The following BIRC6 variants were observed in gnomAD, a reference collection of about 807,000 sequenced individuals.
The protein encoded by BIRC6 is baculoviral IAP repeat containing 6.
Under a neutral mutation model 503.3 loss-of-function variants are expected in BIRC6, and 98 were observed. That is an observed-to-expected ratio of 0.19 (90% CI 0.17 to 0.23). The LOEUF (loss-of-function observed/expected upper bound fraction) is 0.23, where lower values mean the gene tolerates loss of function less well. Ranked by LOEUF, BIRC6 falls within the 10% of genes least tolerant of loss-of-function variation. BIRC6 has a pLI of 1.00. For missense variants in BIRC6, 5,360 were observed against 5,806.0 expected, an observed-to-expected ratio of 0.92 and a Z score of 2.50; for synonymous variants, 2,240 against 2,078.7, an observed-to-expected ratio of 1.08 and a Z score of -2.11.
intron 61 of BIRC6, among the ~76,000 whole-genome samples, chr2:32,542,705 A>G (rs1559015349): frequency 6.6e-6 from 1 of 152,270 alleles, no homozygotes; most frequent in South Asian, 2.1e-4. Flanking sequence ...TAGATACTTA[A>G]CTAATTATAA....
intron 20 of BIRC6, among the ~76,000 whole-genome samples, chr2:32,444,545 A>G (rs998019376): frequency 6.6e-6 from 1 of 152,174 alleles, no homozygotes; most frequent in Non-Finnish European, 1.5e-5. Flanking sequence ...TTTTAAGCCA[A>G]ATTTTATTTA....
At chr2:32,582,339 A>C (rs887095385) in intron 66 of BIRC6, among the ~76,000 whole-genome samples, 1 of 152,114 alleles carries the variant, frequency 6.6e-6, no homozygotes, top group Non-Finnish European at 1.5e-5. Flanking sequence ...TGGTAAGTAA[A>C]ACCCTGATAT....
Position 32,535,875 on chromosome 2 carries a change from T to C in BIRC6, c.12291+4324T>C, listed in dbSNP as rs561295828. Among the ~76,000 whole-genome samples, 88 of 152,300 alleles carry C rather than the reference T, an allele frequency of 5.8e-4. No homozygotes were observed. The Middle Eastern group carries it at 0.014, about 24-fold the overall frequency. On this transcript the variant is annotated intron_variant, in intron 61 of 73. Coordinates refer to ENST00000421745, the MANE Select transcript of BIRC6 (RefSeq NM_016252.4). ...TTCTAGTTCTAGATCCCTGAGGAAT[T>C]GCTACACTGACTTCCACAATGGTTG... is the stretch of plus-strand genomic sequence containing the variant.
chr2:32,507,897 C>G (rs1487942843), intron 50 of BIRC6, 83 bp from the exon 51 acceptor site: 1 of 1,289,738 alleles, frequency 7.8e-7, no homozygotes, highest in Admixed American at 2.9e-5. Context: ...ACTGTGAAAG[C>G]TGCTATTTTA....
Position 32,544,482 on chromosome 2 carries a change from TTTC to T in BIRC6, c.12592+950_12592+952del, listed in dbSNP as rs1394353711. On this transcript the variant is annotated intron_variant, in intron 62 of 73. Transcript: ENST00000421745. ...GGTGACGTCTGCATTTTCTTTTTTCTTTCTTCTTCTTTTTTTTTTTTGCATTTT... is the reference window on the plus strand; with the variant it reads ...GGTGACGTCTGCATTTTCTTTTTTCTTTCTTCTTTTTTTTTTTTGCATTTT... Among the ~76,000 whole-genome samples, 98 of 147,450 alleles carry T rather than the reference TTTC, an allele frequency of 6.6e-4. 1 individual carries two copies. Among genetic ancestry groups the T allele is most frequent in the Non-Finnish European group, 1.1e-3 (70 of 65,712 alleles).
intron 65 of BIRC6, chr2:32,564,223 A>G (rs1167050261): frequency 6.6e-6 from 1 of 152,230 alleles, no homozygotes; most frequent in Non-Finnish European, 1.5e-5. Flanking sequence ...ATTGGATCAT[A>G]TAATATGTGG....
intron 9 of BIRC6, among the ~76,000 whole-genome samples, chr2:32,406,813 A>G (rs948127960): frequency 4.7e-4 from 72 of 152,176 alleles, no homozygotes; most frequent in Non-Finnish European, 2.1e-4. Flanking sequence ...GTTTTGTCAC[A>G]TATGTCAGGT....
chr2:32,549,396 T>C lies in BIRC6; in HGVS notation c.13059T>C (p.Ser4353=). ...CTCATGAGACTAGAGGGCAGAACAG[T>C]AATGCCCTTCCTTCTGTACTTCTCG... ...QSSHETRGQN[S]NALPSVLLEL... is the part of the protein sequence containing the mutation. Residue 4353 remains serine, a synonymous_variant, in exon 65 of 74, where the codon AGT becomes AGC. Transcript: ENST00000421745. The C allele has an allele frequency of 1.3e-6, 2 of 1,521,486 alleles. No homozygotes were observed. The highest frequency in any genetic ancestry group is 1.8e-6 in the Non-Finnish European group (2 of 1,115,490). 94.2% of individuals were successfully genotyped at this position (1,521,486 alleles called of 1,614,324 possible). A position where few individuals can be genotyped will look rare whatever the true frequency, so the allele number is the denominator to read the frequency against.
At chr2:32,480,882 T>C (rs2149181495) in intron 37 of BIRC6, among the ~76,000 whole-genome samples, 1 of 152,132 alleles carries the variant, frequency 6.6e-6, no homozygotes, top group South Asian at 2.1e-4. Flanking sequence ...CCTTGTGATC[T>C]ACCTGCCTCG....
Position 32,549,331 on chromosome 2 carries a change from A to C in BIRC6, c.12994A>C (p.Asn4332His). ...TTTTTAGGTTCTTGCCAGTTACATA[A>C]ATCCCGTCAGTAGTGCGGTAAATGG... ...CLLQVLASYI[N>H]PVSSAVNGEA... Residue 4332 changes from asparagine to histidine, a missense_variant, in exon 65 of 74, where the codon AAT (asparagine) becomes CAT (histidine). Around this residue, in one of 16 missense-constraint regions of BIRC6, gnomAD observed 477 missense variants for 574.4 expected, o/e 0.83. Transcript: ENST00000421745. The C allele has an allele frequency of 6.9e-7, 1 of 1,459,430 alleles. No individual in the cohort carries two copies. Among genetic ancestry groups the C allele is most frequent in the East Asian group, 2.4e-5 (1 of 42,212 alleles). 90.4% of individuals were successfully genotyped at this position (1,459,430 alleles called of 1,614,324 possible). A position where few individuals can be genotyped will look rare whatever the true frequency, so the allele number is the denominator to read the frequency against.
chr2:32,544,234 A>G (rs556877147), intron 62 of BIRC6, among the ~76,000 whole-genome samples: 1 of 152,270 alleles, frequency 6.6e-6, no homozygotes, highest in East Asian at 1.9e-4. Context: ...AAAATGTGTT[A>G]AGATTAGTGA....
chr2:32,492,783 A>G (rs1173260324), intron 44 of BIRC6, among the ~76,000 whole-genome samples: 1 of 152,058 alleles, frequency 6.6e-6, no homozygotes, highest in Non-Finnish European at 1.5e-5. Context: ...TACGAAAGCT[A>G]TAATTTGTAT....
At chr2:32,434,601 AT>A (rs2044486163) in intron 13 of BIRC6, among the ~76,000 whole-genome samples, 1 of 152,218 alleles carries the variant, frequency 6.6e-6, no homozygotes, top group South Asian at 2.1e-4. Context: ...TAATCCCAGC[AT>A]TTTGAGAGGC....
chr2:32,579,762 A>C (rs1236608802), intron 66 of BIRC6, among the ~76,000 whole-genome samples: 2 of 152,116 alleles, frequency 1.3e-5, no homozygotes, highest in South Asian at 4.1e-4. Flanking sequence ...ACATTTATCT[A>C]ATTTGTAACA....
At chr2:32,374,565 C>T (rs1187565150) in intron 1 of BIRC6, among the ~76,000 whole-genome samples, 1 of 151,740 alleles carries the variant, frequency 6.6e-6, no homozygotes, top group Admixed American at 6.6e-5. Flanking sequence ...CTCCGCCTCC[C>T]AGGTTCACGC....
chr2:32,550,915 A>G (rs905375514), intron 65 of BIRC6, among the ~76,000 whole-genome samples: 1 of 152,152 alleles, frequency 6.6e-6, no homozygotes, highest in Non-Finnish European at 1.5e-5. Context: ...AATGTGACAG[A>G]TCGAAGTTTG....
intron 55 of BIRC6, among the ~76,000 whole-genome samples, chr2:32,516,495 G>A (rs182116086): frequency 6.1e-4 from 84 of 137,890 alleles, no homozygotes; most frequent in Admixed American, 3.1e-3. Flanking sequence ...CAGCCTGGGC[G>A]ACAAAGCGAG....
intron 42 of BIRC6, 54 bp from the exon 43 acceptor site, chr2:32,489,987 C>A: frequency 1.6e-6 from 2 of 1,237,962 alleles, no homozygotes; most frequent in South Asian, 1.2e-5. Context: ...TGACTTAGTT[C>A]TTCATAAACA....
chr2:32,409,365 A>G (rs536278321), intron 9 of BIRC6, among the ~76,000 whole-genome samples: 2 of 152,140 alleles, frequency 1.3e-5, no homozygotes, highest in Non-Finnish European at 2.9e-5. Context: ...CATGTTGGCC[A>G]GGCTGGTCTT....
Sources: allele counts gnomAD v4.1 joint callset (sites outside exome capture counted in the v4.1 genomes callset), GRCh38; gene constraint gnomAD v4.1.1; regional missense constraint gnomAD v4.1.1; transcripts MANE v1.5; gene names NCBI Gene and HGNC (gene_info 2026-07-23, HGNC 2026-07-21).